The following C9orf72 variants were observed in gnomAD, a reference collection of about 807,000 sequenced individuals.
C9orf72 encodes guanine nucleotide exchange factor C9orf72.
In C9orf72, 44 loss-of-function variants were observed where a neutral mutation model predicts 51.6. The observed-to-expected ratio is 0.85, with a 90% CI of 0.67 to 1.10. The LOEUF (loss-of-function observed/expected upper bound fraction) is 1.10, where lower values mean the gene tolerates loss of function less well. C9orf72 is among the 50% of genes least tolerant of loss of function. The pLI is 0.00. For missense variants in C9orf72, 607 were observed against 570.6 expected, an observed-to-expected ratio of 1.06 and a Z score of -0.65; for synonymous variants, 213 against 194.2, an observed-to-expected ratio of 1.10 and a Z score of -0.81.
At chr9:27,556,852 G>T in intron 7 of C9orf72, 56 bp from the exon 8 acceptor site, 1 of 1,173,138 alleles carries the variant, frequency 8.5e-7, no homozygotes, top group Non-Finnish European at 1.3e-6. Flanking sequence ...ATGAATAATT[G>T]TTTTTTAATT....
At chr9:27,560,764 C>T (rs1748504952) in intron 5 of C9orf72, 1 of 985,216 alleles carries the variant, frequency 1.0e-6, no homozygotes, top group Non-Finnish European at 1.2e-6. Context: ...AAGGAAAAGA[C>T]TGTGAACATA....
In C9orf72 at chr9:27,565,444, C is replaced by G. The variant is rs1334909824; in HGVS notation, c.504+87G>C. 8 of 827,700 alleles carry G rather than the reference C, an allele frequency of 9.7e-6. No homozygotes were observed. In the Admixed American group the frequency reaches 1.7e-4, roughly 18 times the overall value. The allele number at this position is 827,700 out of a possible 1,614,324, so 51.3% of individuals were successfully genotyped here. ...CTCCATTAAAGGCTTATTCGTATGT[C>G]TCCAAGGCCTTGACAAATGTAGCCA... On this transcript the variant is annotated intron_variant, in intron 3 of 10. Coordinates refer to ENST00000380003, the MANE Select transcript of C9orf72 (RefSeq NM_018325.5).
At chr9:27,572,341 T>C (rs545164236) in intron 1 of C9orf72, among the ~76,000 whole-genome samples, 1 of 152,326 alleles carries the variant, frequency 6.6e-6, no homozygotes, top group South Asian at 2.1e-4. Flanking sequence ...AATGACACCG[T>C]ATTTCAAGTA....
intron 1 of C9orf72, among the ~76,000 whole-genome samples, chr9:27,568,384 T>G (rs1563906532): frequency 6.6e-6 from 1 of 152,150 alleles, no homozygotes; most frequent in Non-Finnish European, 1.5e-5. Flanking sequence ...ATAGGGCCCG[T>G]TCAAGCCTTT....
At position 27,561,642 on chromosome 9, in the gene C9orf72, T is replaced by C; in HGVS notation, c.608A>G (p.Asp203Gly). The change falls in exon 5 of 11, where the codon GAT (aspartate) becomes GGT (glycine). Residue 203 changes from aspartate to glycine, a missense_variant. Asp to Gly is a moderately conservative substitution (Grantham distance 94). Coordinates refer to ENST00000380003, the MANE Select transcript of C9orf72 (RefSeq NM_018325.5). ...AATATCATCATCATTGAGTACTGTA[T>C]CAGCTATCTAAAATGCATCAAAAAA... The part of the protein sequence containing the change: ...HSVPEEIDIA[D>G]TVLNDDDIGD... 1.3e-6 allele frequency: 2 copies of C among 1,596,718 alleles called. No individual in the cohort carries two copies. The highest frequency in any genetic ancestry group is 1.1e-5 in the South Asian group (1 of 89,554).
chr9:27,573,195 A>T (rs1819627752), intron 1 of C9orf72, among the ~76,000 whole-genome samples: 1 of 151,296 alleles, frequency 6.6e-6, no homozygotes, highest in Non-Finnish European at 1.5e-5. Flanking sequence ...CCAGATCCCC[A>T]TCCCTTGTCC....
At chr9:27,570,825 C>T (rs1040268589) in intron 1 of C9orf72, among the ~76,000 whole-genome samples, 11 of 151,972 alleles carry the variant, frequency 7.2e-5, no homozygotes, top group African/African-American at 2.2e-4. Flanking sequence ...GCTGAGATGG[C>T]GCCACTGCAC....
At chr9:27,556,885 G>T in intron 7 of C9orf72, 89 bp from the exon 8 acceptor site, 1 of 867,996 alleles carries the variant, frequency 1.2e-6, no homozygotes, top group Non-Finnish European at 1.8e-6. Flanking sequence ...CTCTGATTTA[G>T]CAAATCCATC....
Position 27,566,678 on chromosome 9 carries a change from T to A in C9orf72, c.443A>T (p.Lys148Met). Reference sequence around the variant, plus strand: ...TTAATAAGCTGAAAAATCACTTACCTTATGCATCCATATTCTTCCTTTCCG... The same window carrying A: ...TTAATAAGCTGAAAAATCACTTACCATATGCATCCATATTCTTCCTTTCCG... ...IIRKGRIWMHKERQENVQKII... is the reference protein window; with the variant it reads ...IIRKGRIWMHMERQENVQKII... The change falls in exon 2 of 11, where the codon AAG (lysine) becomes ATG (methionine). Residue 148 changes from lysine to methionine, a missense_variant and splice_region_variant. Coordinates refer to ENST00000380003, the MANE Select transcript of C9orf72 (RefSeq NM_018325.5). The A allele has an allele frequency of 6.3e-7, 1 of 1,584,594 alleles. No individual in the cohort carries two copies. The highest frequency in any genetic ancestry group is 8.6e-7 in the Non-Finnish European group (1 of 1,161,640).
At chr9:27,550,850 TATAG>T in intron 8 of C9orf72, 143 bp from the exon 9 acceptor site, 1 of 502,826 alleles carries the variant, frequency 2.0e-6, no homozygotes, top group East Asian at 3.3e-5. Context: ...TTTGTAAGAA[TATAG>T]ATATATATAT....
chr9:27,573,764 G>A (rs1308107644), upstream of C9orf72: 1 of 152,318 alleles, frequency 6.6e-6, no homozygotes, highest in African/African-American at 2.4e-5. Flanking sequence ...GAAGCAACCG[G>A]GCAGCAGGGA....
intron 3 of C9orf72, among the ~76,000 whole-genome samples, chr9:27,565,294 A>T (rs10757666): frequency 0.22 from 32,825 of 151,982 alleles, 3,765 homozygotes; most frequent in Non-Finnish European, 0.25. Context: ...GGCAAACAGA[A>T]AAAAAAAGGG....
upstream of C9orf72, chr9:27,573,687 T>C (rs1587328110): frequency 6.6e-6 from 1 of 151,840 alleles, no homozygotes; most frequent in Non-Finnish European, 1.5e-5. Context: ...GGAGAGAGGG[T>C]GGGAAAAACA....
intron 3 of C9orf72, among the ~76,000 whole-genome samples, chr9:27,563,927 C>A (rs959908745): frequency 2.0e-5 from 3 of 152,082 alleles, no homozygotes; most frequent in Admixed American, 2.0e-4. Context: ...ATGACAGCTA[C>A]AACTGAAGTT....
At chr9:27,560,476 C>T in intron 5 of C9orf72, 177 bp from the exon 6 acceptor site, 1 of 604,110 alleles carries the variant, frequency 1.7e-6, no homozygotes, top group African/African-American at 1.9e-5. Context: ...TTTCTAGAGA[C>T]CTTTCACAGA....
At chr9:27,561,253 A>T in intron 5 of C9orf72, 1 of 1,072,658 alleles carries the variant, frequency 9.3e-7, no homozygotes, top group Non-Finnish European at 1.1e-6. Context: ...CGCCTAAATA[A>T]CTTAAGTTCA....
At chr9:27,566,558 A>C in intron 2 of C9orf72, 119 bp downstream of exon 2, 1 of 695,968 alleles carries the variant, frequency 1.4e-6, no homozygotes, top group African/African-American at 1.8e-5. Flanking sequence ...ATGCAAAATA[A>C]ATAACATTTA....
intron 1 of C9orf72, among the ~76,000 whole-genome samples, chr9:27,571,659 C>T (rs1213968239): frequency 6.6e-6 from 1 of 152,054 alleles, no homozygotes; most frequent in African/African-American, 2.4e-5. Flanking sequence ...TCTACGTTGC[C>T]CAGGTTGAGC....
In C9orf72 at chr9:27,546,832, A is replaced by C. The variant is rs1200825593; in HGVS notation, c.*1404T>G. The C allele has an allele frequency of 1.3e-5, 2 of 152,180 alleles. No homozygotes were observed. Among genetic ancestry groups the C allele is most frequent in the Non-Finnish European group, 2.9e-5 (2 of 68,024 alleles). 9.4% of individuals were successfully genotyped at this position (152,180 alleles called of 1,614,324 possible). A position where few individuals can be genotyped will look rare whatever the true frequency, so the allele number is the denominator to read the frequency against. On this transcript the variant is annotated 3_prime_UTR_variant, in exon 11 of 11. Coordinates refer to ENST00000380003, the MANE Select transcript of C9orf72 (RefSeq NM_018325.5). ...TTGTCTAAAACATCAAGCTGTCCAC[A>C]TCTTTCTGATTCATGATGGGAAAGC...
Sources: allele counts gnomAD v4.1 joint callset (sites outside exome capture counted in the v4.1 genomes callset), GRCh38; gene constraint gnomAD v4.1.1; transcripts MANE v1.5; gene names NCBI Gene and HGNC (gene_info 2026-07-23, HGNC 2026-07-21).